Variants in OTOF observed in about 807,000 individuals in gnomAD.
OTOF encodes the protein otoferlin.
In OTOF, 218 loss-of-function variants were observed where a neutral mutation model predicts 236.8. That is an observed-to-expected ratio of 0.92 (90% CI 0.82 to 1.03). The LOEUF (loss-of-function observed/expected upper bound fraction) is 1.03, where lower values mean the gene tolerates loss of function less well. Among genes scored for constraint, OTOF ranks in the 50% least tolerant of loss-of-function variants. The probability of loss-of-function intolerance (pLI) is 0.00; values close to 1 mark genes in which losing one functional copy is unlikely to be tolerated. For synonymous variants in OTOF, 1,041 were observed against 1,072.5 expected, an observed-to-expected ratio of 0.97 and a Z score of 0.57; for missense variants, 2,590 against 2,694.4, an observed-to-expected ratio of 0.96 and a Z score of 0.86.
In OTOF at chr2:26,463,974, C is replaced by A. The variant is rs759441441; in HGVS notation, c.5093G>T (p.Gly1698Val). 27 of 1,613,706 alleles carry A rather than the reference C, an allele frequency of 1.7e-5. No individual in the cohort carries two copies. Among genetic ancestry groups the A allele is most frequent in the Non-Finnish European group, 2.2e-5 (26 of 1,180,016 alleles). ...CCATGCAAGTGTCACCTGCTCGATG[C>A]CCGGCTTGTCGGGGTTGAGCAGCGG... ...TRPLLNPDKPGIEQGRLELWV... is the reference protein window; with the variant it reads ...TRPLLNPDKPVIEQGRLELWV... Residue 1698 changes from glycine to valine, a missense_variant, in exon 40 of 47, where the codon GGC (glycine) becomes GTC (valine). Coordinates refer to ENST00000272371, the MANE Select transcript of OTOF (RefSeq NM_194248.3).
intron 12 of OTOF, 65 bp downstream of exon 12, chr2:26,484,409 C>T (rs140931858): frequency 9.5e-6 from 15 of 1,583,422 alleles, no homozygotes; most frequent in African/African-American, 2.7e-5. Context: ...AAACCCTCAC[C>T]GGGGGCTCCC....
intron 5 of OTOF, among the ~76,000 whole-genome samples, chr2:26,505,213 C>T (rs1050066175): frequency 6.6e-6 from 1 of 152,066 alleles, no homozygotes; most frequent in African/African-American, 2.4e-5. Context: ...GGCAGCAGCT[C>T]ACAATTTAGG....
In OTOF at chr2:26,467,346, T is replaced by C; in HGVS notation, c.4227+19A>G. On this transcript the variant is annotated intron_variant, in intron 34 of 46. Transcript: ENST00000272371. ...CCCGCCCCCACACACCCTAGAAGGG[T>C]CTGCTCCTAGGCTCTCACCTTAAGC... is the stretch of plus-strand genomic sequence containing the variant. The C allele has an allele frequency of 6.2e-7, 1 of 1,613,228 alleles. No individual in the cohort carries two copies. Among genetic ancestry groups the C allele is most frequent in the East Asian group, 2.2e-5 (1 of 44,822 alleles).
chr2:26,487,221 C>T (rs2148064473), intron 11 of OTOF, among the ~76,000 whole-genome samples: 1 of 152,310 alleles, frequency 6.6e-6, no homozygotes, highest in South Asian at 2.1e-4. Context: ...TGGGAGCATG[C>T]TGTCCAACAA....
In OTOF at chr2:26,558,527, G is replaced by T; in HGVS notation, c.45C>A (p.Gly15=). The T allele has an allele frequency of 6.2e-7, 1 of 1,614,018 alleles. No individual in the cohort carries two copies. Among genetic ancestry groups the T allele is most frequent in the Non-Finnish European group, 8.5e-7 (1 of 1,179,960 alleles). The change falls in exon 1 of 47, where the codon GGC becomes GGA. Residue 15 remains glycine, a synonymous_variant. Transcript: ENST00000272371. ...TCACTTTGGCGATCCGGTCGCCCCT[G>T]CCCCGCAGCTCCGAGACTGTCTTGA... ...IHLKTVSELR[G]RGDRIAKVTF... is the part of the protein sequence containing the mutation.
At position 26,470,450 on chromosome 2, in the gene OTOF, AT is replaced by A; in HGVS notation, c.4023+142del. 1.2e-6 allele frequency: 1 copy of A among 826,964 alleles called. No individual in the cohort carries two copies. Among genetic ancestry groups the A allele is most frequent in the Non-Finnish European group, 2.1e-6 (1 of 487,590 alleles). 51.2% of individuals were successfully genotyped at this position (826,964 alleles called of 1,614,324 possible). ...CTTGGAAGGTGAGTTCTGAGCTAGG[AT>A]TTCAAGGATGTGAGACAAAACCATC... On this transcript the variant is annotated intron_variant, in intron 32 of 46. Transcript: ENST00000272371. The surrounding 1 kb of genome is among the most constrained non-coding windows in gnomAD (Gnocchi z 4.3).
At chr2:26,516,337 G>A in intron 5 of OTOF, 81 bp downstream of exon 5, 1 of 1,324,762 alleles carries the variant, frequency 7.5e-7, no homozygotes, top group Non-Finnish European at 1.1e-6. Flanking sequence ...GGCCTAGAGA[G>A]GCCTGTCAGT....
chr2:26,461,632 C>A lies in OTOF; in HGVS notation c.5533+64G>T, dbSNP rs773830233. The A allele has an allele frequency of 8.7e-6, 14 of 1,605,998 alleles. No homozygotes were observed. Among genetic ancestry groups the A allele is most frequent in the Non-Finnish European group, 1.2e-5 (14 of 1,178,730 alleles). ...AAGGCAGGGCTCTCCCTGTCCCCGC[C>A]AACCCGGCCCCTGCCTCTTCTCAGT... is the stretch of plus-strand genomic sequence containing the variant. On this transcript the variant is annotated intron_variant, in intron 43 of 46. Coordinates refer to ENST00000272371, the MANE Select transcript of OTOF (RefSeq NM_194248.3). This position sits in a 1 kb window ranked among gnomAD's most constrained non-coding sequence, Gnocchi z 6.2.
intron 2 of OTOF, among the ~76,000 whole-genome samples, chr2:26,529,208 A>AGGCCGGGGCAGGTGGATT: frequency 6.6e-6 from 1 of 152,188 alleles, no homozygotes; most frequent in South Asian, 2.1e-4. Flanking sequence ...AGGACCAGAC[A>AGGCCGGGGCAGGTGGATT]ACGCTGAGGT....
chr2:26,543,552 G>T (rs1471017066), intron 1 of OTOF, among the ~76,000 whole-genome samples: 9 of 151,798 alleles, frequency 5.9e-5, no homozygotes, highest in African/African-American at 1.9e-4. Flanking sequence ...CCTAGTTTGC[G>T]TGCCCTGGAT....
intron 32 of OTOF, among the ~76,000 whole-genome samples, chr2:26,468,699 A>G (rs1477799941): frequency 1.3e-5 from 2 of 152,238 alleles, no homozygotes; most frequent in Non-Finnish European, 2.9e-5. Flanking sequence ...TGGCACATAT[A>G]CACCATGGAA....
At chr2:26,549,925 C>T (rs1476564484) in intron 1 of OTOF, among the ~76,000 whole-genome samples, 3 of 152,144 alleles carry the variant, frequency 2.0e-5, no homozygotes, top group African/African-American at 4.8e-5. Flanking sequence ...GTCCTAGATT[C>T]CCCTGTTACG....
At position 26,467,248 on chromosome 2, in the gene OTOF, G is replaced by A. The variant is rs1366274588; in HGVS notation, c.4228-15C>T. The A allele has an allele frequency of 6.2e-7, 1 of 1,614,092 alleles. No homozygotes were observed. Among genetic ancestry groups the A allele is most frequent in the Non-Finnish European group, 8.5e-7 (1 of 1,180,026 alleles). Reference sequence around the variant, plus strand: ...TTGGGGTATACCTGAGACAGACCAGGCTGTTAGGGGGCGGCTGCCTGGTCT... The same window carrying A: ...TTGGGGTATACCTGAGACAGACCAGACTGTTAGGGGGCGGCTGCCTGGTCT... On this transcript the variant is annotated splice_polypyrimidine_tract_variant and intron_variant, in intron 34 of 46. Transcript: ENST00000272371.
chr2:26,460,139 G>C lies in OTOF; in HGVS notation c.5880C>G (p.His1960Gln). The change falls in exon 46 of 47, where the codon CAC becomes CAG. Residue 1960 changes from histidine to glutamine, a missense_variant. His to Gln is a conservative substitution (Grantham distance 24). Coordinates refer to ENST00000272371, the MANE Select transcript of OTOF (RefSeq NM_194248.3). This position sits in a 1 kb window ranked among gnomAD's most constrained non-coding sequence, Gnocchi z 5.3. The part of the protein sequence containing the change: ...PLKSARYFLW[H>Q]TYRWLLLKLL... ...GTTTGAGGAGCAGCCAGCGATACGT[G>C]TGCCACAAGAAGTAGCGAGCCGACT... The C allele has an allele frequency of 6.2e-7, 1 of 1,601,760 alleles. No homozygotes were observed. The highest frequency in any genetic ancestry group is 8.5e-7 in the Non-Finnish European group (1 of 1,174,498).
At chr2:26,515,250 G>T (rs1666493554) in intron 5 of OTOF, among the ~76,000 whole-genome samples, 1 of 152,240 alleles carries the variant, frequency 6.6e-6, no homozygotes, top group African/African-American at 2.4e-5. Flanking sequence ...CTGCTAAAGA[G>T]CCAGGAGTCT....
At chr2:26,546,457 G>C (rs929825664) in intron 1 of OTOF, among the ~76,000 whole-genome samples, 15 of 128,520 alleles carry the variant, frequency 1.2e-4, no homozygotes, top group African/African-American at 3.8e-4. Context: ...GTGAAACTCT[G>C]TCTCAAAAAG....
rs1173722056 is a variant in OTOF at position 26,519,199 on chromosome 2, G to A, written c.228-90C>T. On this transcript the variant is annotated intron_variant, in intron 3 of 46. Coordinates refer to ENST00000272371, the MANE Select transcript of OTOF (RefSeq NM_194248.3). ...ATCCCAAGGGCTGTGACTGCTTGGGGAGGACTCAGGTGGGCTTGCTCCAGC... is the reference window on the plus strand; with the variant it reads ...ATCCCAAGGGCTGTGACTGCTTGGGAAGGACTCAGGTGGGCTTGCTCCAGC... 5 of 894,056 alleles carry A rather than the reference G, an allele frequency of 5.6e-6. No individual in the cohort carries two copies. In the Middle Eastern group the frequency reaches 6.8e-4, roughly 122 times the overall value. The allele number at this position is 894,056 out of a possible 1,614,324, so 55.4% of individuals were successfully genotyped here.
In OTOF at chr2:26,483,521, T is replaced by A; in HGVS notation, c.1333A>T (p.Ile445Phe). The change falls in exon 13 of 47, where the codon ATC becomes TTC. Residue 445 changes from isoleucine to phenylalanine, a missense_variant. Coordinates refer to ENST00000272371, the MANE Select transcript of OTOF (RefSeq NM_194248.3). ...TCCACGAGGTCCTTGTTTTCACCGATGAAAGCCTTCTTTACATTGGCCATG... is the reference window on the plus strand; with the variant it reads ...TCCACGAGGTCCTTGTTTTCACCGAAGAAAGCCTTCTTTACATTGGCCATG... ...SLMANVKKAF[I>F]GENKDLVDPY... 6.2e-7 allele frequency: 1 copy of A among 1,614,006 alleles called. No homozygotes were observed. Among genetic ancestry groups the A allele is most frequent in the East Asian group, 2.2e-5 (1 of 44,884 alleles).
chr2:26,494,665 G>C (rs1237342406), intron 9 of OTOF, among the ~76,000 whole-genome samples: 1 of 140,842 alleles, frequency 7.1e-6, no homozygotes, highest in Non-Finnish European at 1.5e-5. Flanking sequence ...GTGGGGGGGG[G>C]TTCTTTCACA....
Sources: gnomAD v4.1 joint callset for allele counts (sites outside exome capture counted in the v4.1 genomes callset) on GRCh38, gnomAD v4.1.1 for gene constraint, Gnocchi (gnomAD v3.1) non-coding constraint, MANE v1.5 for transcripts, NCBI Gene and HGNC (gene_info 2026-07-23, HGNC 2026-07-21) for gene names.